The following TET2 variants were observed in gnomAD, a reference collection of about 807,000 sequenced individuals.
TET2 encodes the protein methylcytosine dioxygenase TET2.
In TET2, 299 loss-of-function variants were observed where a neutral mutation model predicts 142.9. That is an observed-to-expected ratio of 2.09 (90% CI 1.90 to 2.30). The LOEUF is 2.30. TET2 is among the 30% of genes most tolerant of loss of function. TET2 has a pLI of 0.00. For synonymous variants in TET2, 819 were observed against 849.0 expected (o/e 0.96, Z 0.61); for missense variants, 2,418 against 2,378.0 (o/e 1.02, Z -0.35).
chr4:105,163,614 T>G (rs921942425), intron 1 of TET2, among the ~76,000 whole-genome samples: 2 of 152,196 alleles, frequency 1.3e-5, no homozygotes, highest in Non-Finnish European at 2.9e-5. Context: ...GTTGGTGCTA[T>G]TACTCTCCTC....
In TET2 at chr4:105,261,744, A is replaced by T. The variant is rs1413646421; in HGVS notation, c.3955-15A>T. 2 of 1,469,062 alleles carry T rather than the reference A, an allele frequency of 1.4e-6. No homozygotes were observed. The highest frequency in any genetic ancestry group is 1.2e-5 in the South Asian group (1 of 80,526). The allele number at this position is 1,469,062 out of a possible 1,614,324, so 91.0% of individuals were successfully genotyped here. On this transcript the variant is annotated splice_polypyrimidine_tract_variant and intron_variant, in intron 7 of 10. Transcript: ENST00000380013. ...GACTTAGAATTTAATATGTAGAATT[A>T]TTCACTTTATACAGGAAGAGAAACT...
intron 2 of TET2, among the ~76,000 whole-genome samples, chr4:105,192,118 A>G (rs577736651): frequency 4.5e-4 from 69 of 152,208 alleles, no homozygotes; most frequent in African/African-American, 1.6e-3. Context: ...AAGTCATAAC[A>G]TTAGTCAGAA....
At chr4:105,188,068 C>T (rs1456079230) in intron 1 of TET2, among the ~76,000 whole-genome samples, 1 of 152,138 alleles carries the variant, frequency 6.6e-6, no homozygotes, top group East Asian at 1.9e-4. Flanking sequence ...ATTGTATATC[C>T]ATGTTTGTTG....
rs372758348 is a variant in TET2 at position 105,237,017 on chromosome 4, T to C, written c.3075T>C (p.Ile1025=). ...SCDNVQQKSI[I]ETMEQHLKQF... ...ATAATGTGCAGCAAAAGAGCATCAT[T>C]GAGACCATGGAGCAGCATCTGAAGC... Residue 1025 remains isoleucine (I), a synonymous_variant, in exon 3 of 11, where the codon ATT becomes ATC. Transcript: ENST00000380013. 15 of 1,614,036 alleles carry C rather than the reference T, an allele frequency of 9.3e-6. No individual in the cohort carries two copies. Among genetic ancestry groups the C allele is most frequent in the Non-Finnish European group, 1.2e-5 (14 of 1,180,030 alleles).
chr4:105,176,966 A>G (rs570585189), intron 1 of TET2, among the ~76,000 whole-genome samples: 16 of 152,376 alleles, frequency 1.1e-4, no homozygotes, highest in East Asian at 1.9e-4. Flanking sequence ...CCATGTAAAT[A>G]TAATCAAATG....
chr4:105,223,328 G>A (rs1486196912), intron 2 of TET2, among the ~76,000 whole-genome samples: 1 of 151,844 alleles, frequency 6.6e-6, no homozygotes, highest in South Asian at 2.1e-4. Flanking sequence ...ATATGTTTTG[G>A]ATTATGTTTT....
rs75711014 is a variant in TET2 at position 105,149,474 on chromosome 4, A to G, written c.-193+2495A>G. On this transcript the variant is annotated intron_variant, in intron 1 of 10. Coordinates refer to ENST00000380013, the MANE Select transcript of TET2 (RefSeq NM_001127208.3). ...TATCCTTTGTTGGAAAAGAGAAATT[A>G]TTTTAATAAGTATGGGGTAGTTTAC... Among the ~76,000 whole-genome samples, 25 of 152,324 alleles carry G rather than the reference A, an allele frequency of 1.6e-4. No homozygotes were observed. The East Asian group carries it at 4.8e-3, about 29-fold the overall frequency.
intron 6 of TET2, among the ~76,000 whole-genome samples, chr4:105,246,319 C>G (rs1729581043): frequency 6.6e-6 from 1 of 152,126 alleles, no homozygotes; most frequent in Non-Finnish European, 1.5e-5. Context: ...ATTTGAAAAC[C>G]ATGAAAAATA....
At position 105,272,633 on chromosome 4, in the gene TET2, C is replaced by CTGCCTTTA. The variant is rs1421738171; in HGVS notation, c.4254_4261dup (p.Tyr1421CysfsTer30). 1 of 1,551,294 alleles carries CTGCCTTTA rather than the reference C, an allele frequency of 6.4e-7. No homozygotes were observed. ...ACCTGAGGATGAGCAGCTTCACGTT[C>CTGCCTTTA]TGCCTTTATACAAAGTCTCTGACGT... On this transcript the variant is annotated frameshift_variant, in exon 10 of 11. Coordinates refer to ENST00000380013, the MANE Select transcript of TET2 (RefSeq NM_001127208.3). LOFTEE classifies it high-confidence loss of function.
At chr4:105,233,756 A>G in intron 2 of TET2, 141 bp from the exon 3 acceptor site, 1 of 539,940 alleles carries the variant, frequency 1.9e-6, no homozygotes, top group Non-Finnish European at 3.2e-6. Context: ...ATGAAACATG[A>G]AAATAAATAT....
chr4:105,184,812 C>T (rs927990714), intron 1 of TET2, among the ~76,000 whole-genome samples: 6 of 152,090 alleles, frequency 3.9e-5, no homozygotes, highest in South Asian at 4.2e-4. Flanking sequence ...AGGTGAGTAA[C>T]GTGCTGATTA....
chr4:105,188,246 C>T (rs543914601), intron 1 of TET2, among the ~76,000 whole-genome samples: 1 of 152,206 alleles, frequency 6.6e-6, no homozygotes, highest in South Asian at 2.1e-4. Flanking sequence ...ATACATTCTA[C>T]TAAGTGGAAT....
At chr4:105,161,541 C>T (rs1723860466) in intron 1 of TET2, among the ~76,000 whole-genome samples, 1 of 152,164 alleles carries the variant, frequency 6.6e-6, no homozygotes, top group African/African-American at 2.4e-5. Flanking sequence ...TTACTGAACA[C>T]TCTCGAGCTT....
At chr4:105,244,626 G>C (rs1016559531) in intron 6 of TET2, among the ~76,000 whole-genome samples, 1 of 104,620 alleles carries the variant, frequency 9.6e-6, no homozygotes, top group Non-Finnish European at 1.8e-5. Context: ...ATGGAGTTTC[G>C]CTCTTGTTGC....
rs568662807 is a variant in TET2 at position 105,229,793 on chromosome 4, A to AG, written c.-46-4102dup. On this transcript the variant is annotated intron_variant, in intron 2 of 10. Transcript: ENST00000380013. ...GAGATGATTTTTTTTTATTTTACAA[A>AG]GGTATAGGTTGTAGCATTCTTATAT... Among the ~76,000 whole-genome samples, 175 of 152,036 alleles carry AG rather than the reference A, an allele frequency of 1.2e-3. 1 individual carries two copies. The highest frequency in any genetic ancestry group is 3.8e-3 in the African/African-American group (159 of 41,448).
rs750391694 is a variant in TET2, at chr4:105,235,393, G to T, written c.1451G>T (p.Cys484Phe). The change falls in exon 3 of 11, where the codon TGT becomes TTT. Residue 484 changes from cysteine to phenylalanine, a missense_variant. Cys to Phe is a radical substitution (Grantham distance 205). Coordinates refer to ENST00000380013, the MANE Select transcript of TET2 (RefSeq NM_001127208.3). ...PMLSERPQNN[C>F]VNRNDIQTAG... ...CTTTCTGAAAGGCCTCAGAATAATT[G>T]TGTGAACAGGAATGACATACAGACT... is the stretch of plus-strand genomic sequence containing the variant. 1.3e-5 allele frequency: 21 copies of T among 1,614,170 alleles called. No homozygotes were observed. In the South Asian group the frequency reaches 2.2e-4, roughly 17 times the overall value.
At chr4:105,181,626 C>T (rs558360775) in intron 1 of TET2, among the ~76,000 whole-genome samples, 1 of 152,338 alleles carries the variant, frequency 6.6e-6, no homozygotes, top group Admixed American at 6.5e-5. Context: ...TCTGTAACCC[C>T]TGCCCCAAAT....
chr4:105,235,362 C>T lies in TET2; in HGVS notation c.1420C>T (p.Pro474Ser), dbSNP rs758902447. 4.3e-6 allele frequency: 7 copies of T among 1,614,158 alleles called. No homozygotes were observed. The highest frequency in any genetic ancestry group is 5.1e-6 in the Non-Finnish European group (6 of 1,180,018). ...ATCTACACATGTATGCAGCCCTTCT[C>T]CGATGCTTTCTGAAAGGCCTCAGAA... is the stretch of plus-strand genomic sequence containing the variant. The part of the protein sequence containing the change: ...NPSTHVCSPS[P>S]MLSERPQNNC... The change falls in exon 3 of 11, where the codon CCG becomes TCG. Residue 474 changes from proline (P) to serine (S), a missense_variant. By Grantham distance (74) the Pro-to-Ser change is moderately conservative. Coordinates refer to ENST00000380013, the MANE Select transcript of TET2 (RefSeq NM_001127208.3).
intron 1 of TET2, among the ~76,000 whole-genome samples, chr4:105,163,804 TTC>T (rs1485601791): frequency 1.8e-3 from 183 of 103,376 alleles, no homozygotes; most frequent in South Asian, 0.016. Flanking sequence ...GCTCGAAAGT[TTC>T]GAGAGAGAGA....
Sources: allele counts gnomAD v4.1 joint callset (sites outside exome capture counted in the v4.1 genomes callset), GRCh38; gene constraint gnomAD v4.1.1; transcripts MANE v1.5; gene names NCBI Gene and HGNC (gene_info 2026-07-23, HGNC 2026-07-21).